Variants in AGAP1 observed in about 807,000 individuals in gnomAD.
AGAP1 encodes the protein ArfGAP with GTPase domain, ankyrin repeat and PH domain 1.
AGAP1 carries 29 observed loss-of-function variants against 105.3 expected under a neutral mutation model. The ratio of observed to expected loss-of-function variants is 0.28; its 90% CI spans 0.21 to 0.38. The LOEUF is 0.38. Ranked by LOEUF, AGAP1 falls within the 10% of genes least tolerant of loss-of-function variation. The pLI is 1.00. For synonymous variants in AGAP1, 509 were observed against 485.9 expected (o/e 1.05, Z -0.63); for missense variants, 998 against 1,165.1 (o/e 0.86, Z 2.09).
chr2:235,999,851 G>A (rs1157812727), intron 13 of AGAP1, among the ~76,000 whole-genome samples: 1 of 152,050 alleles, frequency 6.6e-6, no homozygotes, highest in East Asian at 1.9e-4. Context: ...GTCAAGCGGG[G>A]CAGTGTTCTG....
chr2:235,580,127 C>T (rs77223140), intron 1 of AGAP1, among the ~76,000 whole-genome samples: 3,500 of 152,200 alleles, frequency 0.023, 130 homozygotes, highest in African/African-American at 0.08. Context: ...ATGGAGGGAC[C>T]ACATTTTGTT....
intron 13 of AGAP1, among the ~76,000 whole-genome samples, chr2:235,997,450 G>C (rs72991127): frequency 0.3 from 45,390 of 152,076 alleles, 7,225 homozygotes; most frequent in African/African-American, 0.4. Flanking sequence ...CATTTCTAAT[G>C]CTTTCCAGCA....
rs1951321099 is a variant in AGAP1 at position 235,720,386 on chromosome 2, A to G, written c.310+2742A>G. Among the ~76,000 whole-genome samples, 1 of 151,880 alleles carries G rather than the reference A, an allele frequency of 6.6e-6. No homozygotes were observed. The highest frequency in any genetic ancestry group is 2.4e-5 in the African/African-American group (1 of 41,344). ...TCAAAGGGATGTGTTGTCCTCGGGGAGTGCTGGAGGCTGACAAAGCTGATG... is the reference window on the plus strand; with the variant it reads ...TCAAAGGGATGTGTTGTCCTCGGGGGGTGCTGGAGGCTGACAAAGCTGATG... On this transcript the variant is annotated intron_variant, in intron 3 of 17. Transcript: ENST00000304032. The surrounding 1 kb of genome is among the most constrained non-coding windows in gnomAD (Gnocchi z 5.0).
At chr2:235,987,329 G>A (rs996349890) in intron 13 of AGAP1, among the ~76,000 whole-genome samples, 1 of 151,880 alleles carries the variant, frequency 6.6e-6, no homozygotes, top group Non-Finnish European at 1.5e-5. Context: ...TTGTATTTCT[G>A]TGGGGTCAGT....
rs971207451 is a variant in AGAP1 at position 236,046,740 on chromosome 2, C to G, written c.1892-2319C>G. ...GTCAGAAGAGATGACCCCACAGGAG[C>G]CCTGAGGTCAGGGAGGAAGAGCTGG... On this transcript the variant is annotated intron_variant, in intron 15 of 17. Coordinates refer to ENST00000304032, the MANE Select transcript of AGAP1 (RefSeq NM_001037131.3). This position sits in a 1 kb window ranked among gnomAD's most constrained non-coding sequence, Gnocchi z 5.2. 5.9e-5 allele frequency among the ~76,000 whole-genome samples: 9 copies of G among 152,130 alleles called. No individual in the cohort carries two copies. The highest frequency in any genetic ancestry group is 1.2e-4 in the Non-Finnish European group (8 of 68,022).
intron 1 of AGAP1, among the ~76,000 whole-genome samples, chr2:235,638,547 T>C (rs1947086998): frequency 6.6e-6 from 1 of 152,240 alleles, no homozygotes; most frequent in African/African-American, 2.4e-5. Context: ...GTAGGTCACA[T>C]ATAAGCTCAG....
At chr2:235,852,380 G>A (rs1031522161) in intron 9 of AGAP1, among the ~76,000 whole-genome samples, 16 of 152,194 alleles carry the variant, frequency 1.1e-4, no homozygotes, top group African/African-American at 2.7e-4. Context: ...TAGCGTGCGC[G>A]GAGGGGGCTT....
chr2:235,809,276 C>A (rs1253030918), intron 9 of AGAP1, among the ~76,000 whole-genome samples: 1 of 152,058 alleles, frequency 6.6e-6, no homozygotes, highest in East Asian at 1.9e-4. Flanking sequence ...GACCATCAAG[C>A]GTAAAATGAG....
At chr2:236,010,219 G>A (rs770037835) in intron 13 of AGAP1, among the ~76,000 whole-genome samples, 2 of 152,134 alleles carry the variant, frequency 1.3e-5, no homozygotes, top group Non-Finnish European at 2.9e-5. Context: ...ATGAAAAGCT[G>A]TAGCTTCTAA....
rs551764577 is a variant in AGAP1 at position 235,893,195 on chromosome 2, G to A, written c.1155+9746G>A. On this transcript the variant is annotated intron_variant, in intron 10 of 17. Transcript: ENST00000304032. This position sits in a 1 kb window ranked among gnomAD's most constrained non-coding sequence, Gnocchi z 4.7. Reference sequence around the variant, plus strand: ...GCTGTGTCTTTGGCGCGGGTGTGGCGTGGGTGTGCCATGTCCATCATAATG... The same window carrying A: ...GCTGTGTCTTTGGCGCGGGTGTGGCATGGGTGTGCCATGTCCATCATAATG... Among the ~76,000 whole-genome samples, 66 of 150,862 alleles carry A rather than the reference G, an allele frequency of 4.4e-4. No homozygotes were observed. The highest frequency in any genetic ancestry group is 8.6e-4 in the Non-Finnish European group (58 of 67,752).
At position 235,714,294 on chromosome 2, in the gene AGAP1, G is replaced by A. The variant is rs924257941; in HGVS notation, c.223-3263G>A. 1.3e-5 allele frequency among the ~76,000 whole-genome samples: 2 copies of A among 152,070 alleles called. No homozygotes were observed. The highest frequency in any genetic ancestry group is 2.4e-5 in the African/African-American group (1 of 41,410). ...GCCTCCCAAAGTGCTGGGATTACAG[G>A]CGTGAGCCACCATGCCCAGCCAGGG... On this transcript the variant is annotated intron_variant, in intron 2 of 17. Transcript: ENST00000304032. This position sits in a 1 kb window ranked among gnomAD's most constrained non-coding sequence, Gnocchi z 4.1.
In AGAP1 at chr2:235,813,315, C is replaced by T. The variant is rs73126454; in HGVS notation, c.1050+5984C>T. On this transcript the variant is annotated intron_variant, in intron 9 of 17. Coordinates refer to ENST00000304032, the MANE Select transcript of AGAP1 (RefSeq NM_001037131.3). ...ATCTGCAAAGCAATCGAAAAGAATA[C>T]TTCCCTTGGCCGTGAGGGTTGCATG... Among the ~76,000 whole-genome samples the T allele has an allele frequency of 1.7e-3, 263 of 152,348 alleles. 1 individual carries two copies. Among genetic ancestry groups the T allele is most frequent in the African/African-American group, 6.1e-3 (252 of 41,584 alleles).
In AGAP1 at chr2:235,888,954, G is replaced by C. The variant is rs2050397182; in HGVS notation, c.1155+5505G>C. Among the ~76,000 whole-genome samples, 1 of 152,156 alleles carries C rather than the reference G, an allele frequency of 6.6e-6. No individual in the cohort carries two copies. The highest frequency in any genetic ancestry group is 6.5e-5 in the Admixed American group (1 of 15,278). ...ACCTTGCCAAAAACTCTGGGTGAGG[G>C]TTTTTCAATGTCTTCATTAGATGCC... On this transcript the variant is annotated intron_variant, in intron 10 of 17. Transcript: ENST00000304032. This position sits in a 1 kb window ranked among gnomAD's most constrained non-coding sequence, Gnocchi z 4.8.
At chr2:235,697,487 A>ATACC (rs1950051216) in intron 1 of AGAP1, among the ~76,000 whole-genome samples, 1 of 152,154 alleles carries the variant, frequency 6.6e-6, no homozygotes. Flanking sequence ...GGGGGGACCA[A>ATACC]TACCTAGTGG....
At chr2:236,106,258 G>A (rs961770043) in intron 16 of AGAP1, among the ~76,000 whole-genome samples, 5 of 152,350 alleles carry the variant, frequency 3.3e-5, no homozygotes, top group South Asian at 4.1e-4. Flanking sequence ...CCTAAGGACC[G>A]TTGGTCCATC....
chr2:235,585,356 C>T (rs1395310301), intron 1 of AGAP1, among the ~76,000 whole-genome samples: 1 of 152,148 alleles, frequency 6.6e-6, no homozygotes, highest in Admixed American at 6.5e-5. Flanking sequence ...AGCTGCGTGG[C>T]CTGCTCTGAC....
At chr2:235,644,115 G>T (rs1304862215) in intron 1 of AGAP1, among the ~76,000 whole-genome samples, 1 of 152,210 alleles carries the variant, frequency 6.6e-6, no homozygotes, top group East Asian at 1.9e-4. Context: ...GCCCGGGAAG[G>T]TCAGCCTTGC....
Position 235,900,746 on chromosome 2 carries a change from C to T in AGAP1, c.1156-7992C>T, listed in dbSNP as rs2051027865. Among the ~76,000 whole-genome samples, 1 of 152,190 alleles carries T rather than the reference C, an allele frequency of 6.6e-6. No individual in the cohort carries two copies. Among genetic ancestry groups the T allele is most frequent in the Admixed American group, 6.5e-5 (1 of 15,274 alleles). ...GGGAACATGGTAAGACCAGTGAATT[C>T]CATAAGCATGAGCTGTTTGCCTCTG... On this transcript the variant is annotated intron_variant, in intron 10 of 17. Transcript: ENST00000304032. The surrounding 1 kb of genome is among the most constrained non-coding windows in gnomAD (Gnocchi z 5.5).
Position 235,538,282 on chromosome 2 carries a change from G to A in AGAP1, c.163+43433G>A, listed in dbSNP as rs534079051. Among the ~76,000 whole-genome samples the A allele has an allele frequency of 3.3e-5, 5 of 152,168 alleles. No individual in the cohort carries two copies. The South Asian group carries it at 1.0e-3, about 32-fold the overall frequency. On this transcript the variant is annotated intron_variant, in intron 1 of 17. Coordinates refer to ENST00000304032, the MANE Select transcript of AGAP1 (RefSeq NM_001037131.3). ...TTCGTTTTTGGCTAAGGCATATTGT[G>A]TCTGTGGGGCTGCTGAAGGAAAAAG...
Sources: allele counts gnomAD v4.1 joint callset (sites outside exome capture counted in the v4.1 genomes callset), GRCh38; gene constraint gnomAD v4.1.1; non-coding constraint Gnocchi (gnomAD v3.1); transcripts MANE v1.5; gene names NCBI Gene and HGNC (gene_info 2026-07-23, HGNC 2026-07-21).